Variants in ZCWPW1 observed in about 807,000 individuals in gnomAD.
ZCWPW1 encodes the protein zinc finger CW-type PWWP domain protein 1.
Under a neutral mutation model 81.3 loss-of-function variants are expected in ZCWPW1, and 56 were observed. That is an observed-to-expected ratio of 0.69 (90% CI 0.56 to 0.86). The LOEUF is 0.86. ZCWPW1 is among the 40% of genes least tolerant of loss of function. The pLI is 0.00. For synonymous variants in ZCWPW1, 250 were observed against 273.7 expected (o/e 0.91, Z 0.86); for missense variants, 650 against 769.8 (o/e 0.84, Z 1.84).
At chr7:100,427,497 C>T (rs1476158740) in intron 1 of ZCWPW1, among the ~76,000 whole-genome samples, 2 of 151,596 alleles carry the variant, frequency 1.3e-5, no homozygotes, top group Admixed American at 6.6e-5. Flanking sequence ...GTCAGGAGTT[C>T]GAGACCAGCC....
intron 6 of ZCWPW1, 71 bp downstream of exon 6, chr7:100,416,995 A>C (rs1375285490): frequency 9.0e-7 from 1 of 1,111,002 alleles, no homozygotes. Context: ...AGACAGACAG[A>C]TAGATAGACT....
At chr7:100,420,597 C>T (rs549169143) in intron 3 of ZCWPW1, 25 bp downstream of exon 3, 1 of 1,613,828 alleles carries the variant, frequency 6.2e-7, no homozygotes, top group Non-Finnish European at 8.5e-7. Flanking sequence ...ATGTATGAAG[C>T]GAACCTCCCT....
intron 8 of ZCWPW1, among the ~76,000 whole-genome samples, chr7:100,410,359 A>G (rs1793932257): frequency 1.3e-5 from 2 of 151,794 alleles, no homozygotes; most frequent in African/African-American, 4.8e-5. Flanking sequence ...AACCACCCCC[A>G]CCTACAACCC....
Position 100,403,796 on chromosome 7 carries a change from A to C in ZCWPW1, c.1322-11T>G, listed in dbSNP as rs768855784. 2 of 1,610,516 alleles carry C rather than the reference A, an allele frequency of 1.2e-6. No homozygotes were observed. The highest frequency in any genetic ancestry group is 1.7e-6 in the Non-Finnish European group (2 of 1,177,230). ...CAGAGAGCTGTAAGTCTAGAACAGG[A>C]AAAGGAAGGAAAGGCTAAATCATTC... On this transcript the variant is annotated splice_polypyrimidine_tract_variant and intron_variant, in intron 14 of 17. Transcript: ENST00000684423.
intron 4 of ZCWPW1, 84 bp from the exon 5 acceptor site, chr7:100,419,273 T>C: frequency 8.3e-7 from 1 of 1,199,744 alleles, no homozygotes; most frequent in Non-Finnish European, 1.2e-6. Flanking sequence ...CTCCTTCAGA[T>C]GAGGCAGTAA....
Position 100,407,390 on chromosome 7 carries a change from G to A in ZCWPW1, c.993-87C>T, listed in dbSNP as rs1027602410. The A allele has an allele frequency of 4.1e-6, 5 of 1,215,852 alleles. No homozygotes were observed. In the South Asian group the frequency reaches 5.2e-5, roughly 13 times the overall value. The allele number at this position is 1,215,852 out of a possible 1,614,324, so 75.3% of individuals were successfully genotyped here. ...CTCATCAATGTACATGCACAGAGAA[G>A]AGCAGTATGATTTTTTTTCTGAGAC... On this transcript the variant is annotated intron_variant, in intron 10 of 17. Transcript: ENST00000684423.
Position 100,406,685 on chromosome 7 carries a change from T to C in ZCWPW1, c.1173+9A>G, listed in dbSNP as rs774584375. 6.2e-7 allele frequency: 1 copy of C among 1,612,254 alleles called. No individual in the cohort carries two copies. Among genetic ancestry groups the C allele is most frequent in the Non-Finnish European group, 8.5e-7 (1 of 1,178,404 alleles). On this transcript the variant is annotated intron_variant, in intron 12 of 17. Coordinates refer to ENST00000684423, the MANE Select transcript of ZCWPW1 (RefSeq NM_001386010.1). ...TCTGTATCACAACAGAACCCCAAGA[T>C]GTGCTCACCATGACTGATAGCTCCA...
At chr7:100,408,772 C>T in intron 9 of ZCWPW1, 113 bp from the exon 10 acceptor site, 2 of 1,271,334 alleles carry the variant, frequency 1.6e-6, no homozygotes, top group Non-Finnish European at 2.1e-6. Context: ...CAGGTGGGAC[C>T]AAAGGGGCAC....
At chr7:100,426,017 T>A (rs1164949933) in intron 1 of ZCWPW1, among the ~76,000 whole-genome samples, 1 of 152,172 alleles carries the variant, frequency 6.6e-6, no homozygotes, top group African/African-American at 2.4e-5. Context: ...AATACTTTTT[T>A]AAATAAACAG....
intron 10 of ZCWPW1, 61 bp downstream of exon 10, chr7:100,408,477 CT>C: frequency 6.3e-7 from 1 of 1,588,672 alleles, no homozygotes. Context: ...GCTTCCACCC[CT>C]GCTTGAATCT....
chr7:100,417,751 A>T (rs1396133294), intron 5 of ZCWPW1, among the ~76,000 whole-genome samples: 1 of 152,092 alleles, frequency 6.6e-6, no homozygotes, highest in Non-Finnish European at 1.5e-5. Context: ...TGTATTTTAT[A>T]TCATTTGTTG....
intron 1 of ZCWPW1, among the ~76,000 whole-genome samples, chr7:100,427,835 T>C (rs967125796): frequency 2.6e-5 from 4 of 151,726 alleles, no homozygotes; most frequent in Admixed American, 1.3e-4. Flanking sequence ...CTCTCAGGGA[T>C]AGCGGTTCAA....
intron 8 of ZCWPW1, among the ~76,000 whole-genome samples, chr7:100,411,507 G>A (rs1173527037): frequency 1.3e-5 from 2 of 152,120 alleles, no homozygotes; most frequent in Non-Finnish European, 2.9e-5. Context: ...GGGCTCAAGT[G>A]ATCCACCCTC....
rs375933544 is a variant in ZCWPW1 at position 100,407,342 on chromosome 7, G to T, written c.993-39C>A. 1.3e-5 allele frequency: 20 copies of T among 1,564,218 alleles called. No individual in the cohort carries two copies. The African/African-American group carries it at 2.6e-4, about 20-fold the overall frequency. Reference sequence around the variant, plus strand: ...TTGGGTGTAGGGGACAGAAGAGAAGGGGTTAGATGAACAGAACACAACCTC... The same window carrying T: ...TTGGGTGTAGGGGACAGAAGAGAAGTGGTTAGATGAACAGAACACAACCTC... On this transcript the variant is annotated intron_variant, in intron 10 of 17. Coordinates refer to ENST00000684423, the MANE Select transcript of ZCWPW1 (RefSeq NM_001386010.1).
chr7:100,420,638 C>A lies in ZCWPW1; in HGVS notation c.12G>T (p.Thr4=), dbSNP rs375053044. 1.2e-6 allele frequency: 2 copies of A among 1,613,948 alleles called. No individual in the cohort carries two copies. Among genetic ancestry groups the A allele is most frequent in the Admixed American group, 3.3e-5 (2 of 60,004 alleles). Residue 4 remains threonine (T), a synonymous_variant, in exon 3 of 18, where the codon ACG becomes ACT. Coordinates refer to ENST00000684423, the MANE Select transcript of ZCWPW1 (RefSeq NM_001386010.1). ...TTGACTCACCTTCTTTATTCTGCAA[C>A]GTTGTCATCATTCAGCTTAGAAACT... is the stretch of plus-strand genomic sequence containing the variant. The part of the protein sequence containing the change: MMT[T]LQNKEECGKG...
intron 1 of ZCWPW1, among the ~76,000 whole-genome samples, chr7:100,426,510 A>AAC (rs1797370580): frequency 6.6e-6 from 1 of 151,910 alleles, no homozygotes; most frequent in Admixed American, 6.6e-5. Flanking sequence ...AAAAAAAAAA[A>AAC]AAGTATATTT....
intron 1 of ZCWPW1, among the ~76,000 whole-genome samples, chr7:100,427,186 TTCCTTCCTCCCCCTTCCCTCCC>T (rs1460508507): frequency 4.8e-5 from 1 of 20,696 alleles, no homozygotes; most frequent in African/African-American, 2.7e-4. Context: ...CCCTCCCTCC[TTCCTTCCTCCCCCTTCCCTCCC>T]TCCTTCCTTC....
At chr7:100,411,384 A>G (rs1183535727) in intron 8 of ZCWPW1, among the ~76,000 whole-genome samples, 1 of 151,380 alleles carries the variant, frequency 6.6e-6, no homozygotes, top group Non-Finnish European at 1.5e-5. Context: ...CTCCCACTTC[A>G]GCCTCCCAAG....
chr7:100,427,952 C>T (rs1798024852), intron 1 of ZCWPW1, among the ~76,000 whole-genome samples: 1 of 151,792 alleles, frequency 6.6e-6, no homozygotes, highest in Admixed American at 6.6e-5. Context: ...GCCGAGGCCC[C>T]GTGATCCTTA....
Sources: allele counts gnomAD v4.1 joint callset (sites outside exome capture counted in the v4.1 genomes callset), GRCh38; gene constraint gnomAD v4.1.1; transcripts MANE v1.5; gene names NCBI Gene and HGNC (gene_info 2026-07-23, HGNC 2026-07-21).